Variants in CIT observed in about 807,000 individuals in gnomAD.
The protein encoded by CIT is citron rho-interacting serine/threonine kinase, also known as citron Rho-interacting kinase.
A neutral mutation model predicts 272.7 loss-of-function variants in CIT; 79 were observed. The observed-to-expected ratio is 0.29, with a 90% CI of 0.24 to 0.35. The LOEUF (loss-of-function observed/expected upper bound fraction) is 0.35. Ranked by LOEUF, CIT falls within the 10% of genes least tolerant of loss-of-function variation. CIT has a pLI of 1.00. For missense variants in CIT, 1,909 were observed against 2,618.3 expected, an observed-to-expected ratio of 0.73 and a Z score of 5.91; for synonymous variants, 948 against 995.6, an observed-to-expected ratio of 0.95 and a Z score of 0.90.
intron 2 of CIT, 94 bp from the exon 3 acceptor site, chr12:119,869,295 A>C: frequency 7.3e-6 from 9 of 1,234,670 alleles, no homozygotes; most frequent in Non-Finnish European, 9.0e-6. Flanking sequence ...CCACCAACTC[A>C]ACTAACTGCT....
intron 9 of CIT, among the ~76,000 whole-genome samples, chr12:119,807,316 A>C (rs118112040): frequency 0.012 from 1,807 of 152,362 alleles, 19 homozygotes; most frequent in Non-Finnish European, 0.017. Context: ...GAACTACTTT[A>C]AAATCTGGTT....
chr12:119,848,470 T>C (rs1220819167), intron 5 of CIT, among the ~76,000 whole-genome samples: 1 of 152,188 alleles, frequency 6.6e-6, no homozygotes, highest in Non-Finnish European at 1.5e-5. Context: ...GTTTCCAGGA[T>C]ACACTTGTTA....
chr12:119,798,064 T>C (rs1965883923), intron 10 of CIT, among the ~76,000 whole-genome samples: 1 of 152,190 alleles, frequency 6.6e-6, no homozygotes, highest in South Asian at 2.1e-4. Context: ...GGAAAGAGTA[T>C]ATACGCGTGG....
intron 3 of CIT, among the ~76,000 whole-genome samples, chr12:119,867,033 C>T (rs1031543305): frequency 6.6e-6 from 1 of 152,044 alleles, no homozygotes; most frequent in Non-Finnish European, 1.5e-5. Context: ...CCCAGCTGGG[C>T]CCAGCCTCCA....
intron 4 of CIT, among the ~76,000 whole-genome samples, chr12:119,852,790 C>G (rs192279540): frequency 1.1e-3 from 166 of 151,610 alleles, no homozygotes; most frequent in Non-Finnish European, 2.1e-3. Flanking sequence ...ATATTCTATG[C>G]ATGTGTACAT....
chr12:119,764,966 C>T (rs1962239179), intron 19 of CIT, among the ~76,000 whole-genome samples: 1 of 151,940 alleles, frequency 6.6e-6, no homozygotes, highest in Non-Finnish European at 1.5e-5. Context: ...GCCACCACGC[C>T]TGGCTAATTT....
At chr12:119,762,199 G>C (rs961948667) in intron 19 of CIT, among the ~76,000 whole-genome samples, 1 of 152,106 alleles carries the variant, frequency 6.6e-6, no homozygotes, top group Non-Finnish European at 1.5e-5. Context: ...AGAAAGAAAG[G>C]AAAGAACAGA....
At chr12:119,841,902 T>C (rs889639398) in intron 5 of CIT, among the ~76,000 whole-genome samples, 1 of 152,142 alleles carries the variant, frequency 6.6e-6, no homozygotes, top group Non-Finnish European at 1.5e-5. Context: ...AGGGTCTCTT[T>C]GATACAGCAG....
At chr12:119,838,662 C>T (rs182758977) in intron 5 of CIT, among the ~76,000 whole-genome samples, 10 of 152,278 alleles carry the variant, frequency 6.6e-5, no homozygotes, top group African/African-American at 2.2e-4. Context: ...CTTGATGAAA[C>T]GTGACTTTCA....
In CIT at chr12:119,694,673, G is replaced by A. The variant is rs1040065981; in HGVS notation, c.5882+2986C>T. 6.6e-6 allele frequency among the ~76,000 whole-genome samples: 1 copy of A among 151,892 alleles called. No homozygotes were observed. The highest frequency in any genetic ancestry group is 1.5e-5 in the Non-Finnish European group (1 of 67,978). On this transcript the variant is annotated intron_variant, in intron 46 of 47. Transcript: ENST00000392521. This position sits in a 1 kb window ranked among gnomAD's most constrained non-coding sequence, Gnocchi z 4.5. The stretch of plus-strand genomic sequence containing the variant: ...ACAAAAATTAGCCAGGTGTGGTGGC[G>A]GGCGCCTGTAGTCCCAGCTACTCGG...
chr12:119,693,760 T>C (rs1295950098), intron 46 of CIT, among the ~76,000 whole-genome samples: 1 of 152,212 alleles, frequency 6.6e-6, no homozygotes, highest in Non-Finnish European at 1.5e-5. Context: ...ACCAAACATT[T>C]CAGATTAATT....
At chr12:119,837,010 G>A (rs531932623) in intron 5 of CIT, among the ~76,000 whole-genome samples, 1 of 152,276 alleles carries the variant, frequency 6.6e-6, no homozygotes, top group Non-Finnish European at 1.5e-5. Flanking sequence ...GGTTGATTGA[G>A]AAAACAAGCA....
In CIT at chr12:119,702,410, G is replaced by C. The variant is rs528236743; in HGVS notation, c.5305-452C>G. ...GGTCAGAAACACCATTCCAGGCTGG[G>C]CGCAGTAGCTTACATCTGTAATCCC... On this transcript the variant is annotated intron_variant, in intron 41 of 47. Transcript: ENST00000392521. Among the ~76,000 whole-genome samples, 7 of 152,306 alleles carry C rather than the reference G, an allele frequency of 4.6e-5. No individual in the cohort carries two copies. The East Asian group carries it at 1.3e-3, about 29-fold the overall frequency.
intron 10 of CIT, among the ~76,000 whole-genome samples, chr12:119,798,722 G>C (rs1286073177): frequency 3.3e-5 from 5 of 152,320 alleles, no homozygotes; most frequent in Non-Finnish European, 5.9e-5. Context: ...GGATGAATAA[G>C]ACCCAGCCTT....
intron 10 of CIT, 67 bp from the exon 11 acceptor site, chr12:119,785,132 GCAA>G: frequency 6.6e-7 from 1 of 1,513,606 alleles, no homozygotes; most frequent in East Asian, 2.3e-5. Flanking sequence ...TTAGGAAGCT[GCAA>G]CATTTGTTTC....
intron 10 of CIT, among the ~76,000 whole-genome samples, chr12:119,785,407 A>G (rs962746298): frequency 6.6e-5 from 10 of 152,264 alleles, no homozygotes; most frequent in Admixed American, 6.5e-4. Context: ...AAGATGTTAC[A>G]CCAATGGCTT....
At chr12:119,761,742 G>A (rs1409916714) in intron 19 of CIT, among the ~76,000 whole-genome samples, 1 of 152,184 alleles carries the variant, frequency 6.6e-6, no homozygotes, top group Non-Finnish European at 1.5e-5. Context: ...ACTGGGAAAA[G>A]AAACCTTTCC....
intron 28 of CIT, among the ~76,000 whole-genome samples, chr12:119,724,883 CCG>C (rs1957999906): frequency 7.3e-6 from 1 of 137,894 alleles, no homozygotes; most frequent in Non-Finnish European, 1.5e-5. Context: ...TTGCAGTGAG[CCG>C]AGATCACTGC....
Position 119,850,219 on chromosome 12 carries a change from G to A in CIT, c.471C>T (p.Ile157=). The A allele has an allele frequency of 1.9e-6, 3 of 1,613,516 alleles. No individual in the cohort carries two copies. The highest frequency in any genetic ancestry group is 2.5e-6 in the Non-Finnish European group (3 of 1,179,656). ...NILSRSTSPW[I]PQLQYAFQDK... ...CCTGAAAGGCATACTGTAATTGGGG[G>A]ATCCACGGGCTTGTGCTTCGAGATA... The change falls in exon 5 of 48, where the codon ATC becomes ATT. Residue 157 remains isoleucine (I), a synonymous_variant. Coordinates refer to ENST00000392521, the MANE Select transcript of CIT (RefSeq NM_001206999.2).
Sources: gnomAD v4.1 joint callset for allele counts (sites outside exome capture counted in the v4.1 genomes callset) on GRCh38, gnomAD v4.1.1 for gene constraint, Gnocchi (gnomAD v3.1) non-coding constraint, MANE v1.5 for transcripts, NCBI Gene and HGNC (gene_info 2026-07-23, HGNC 2026-07-21) for gene names.